The following SORCS2 variants were observed in gnomAD, a reference collection of about 807,000 sequenced individuals.
The protein encoded by SORCS2 is sortilin related VPS10 domain containing receptor 2.
A neutral mutation model predicts 141.6 loss-of-function variants in SORCS2; 100 were observed. The ratio of observed to expected loss-of-function variants is 0.71; its 90% CI spans 0.60 to 0.83. The LOEUF is 0.83. SORCS2 is among the 40% of genes least tolerant of loss of function. The pLI is 0.00. For missense variants in SORCS2, 1,646 were observed against 1,560.2 expected (o/e 1.05, Z -0.93); for synonymous variants, 789 against 676.9 (o/e 1.17, Z -2.57).
At chr4:7,724,124 G>GGTGGTGA (rs1726806175) in intron 19 of SORCS2, among the ~76,000 whole-genome samples, 2 of 139,614 alleles carry the variant, frequency 1.4e-5, no homozygotes, top group South Asian at 2.2e-4. Flanking sequence ...GATGGTGGTG[G>GGTGGTGA]TGGTGGTGGT....
At chr4:7,554,344 G>A (rs1239193444) in intron 3 of SORCS2, among the ~76,000 whole-genome samples, 4 of 152,032 alleles carry the variant, frequency 2.6e-5, no homozygotes, top group African/African-American at 7.2e-5. Context: ...TGAGGAGGAG[G>A]CCACCTAGGA....
chr4:7,640,476 GT>G (rs1720655394), intron 4 of SORCS2, among the ~76,000 whole-genome samples: 1 of 98,602 alleles, frequency 1.0e-5, no homozygotes, highest in East Asian at 1.9e-3. Flanking sequence ...GTGTGTGTGT[GT>G]GAGAGAGAGC....
chr4:7,624,284 A>G (rs1347956394), intron 3 of SORCS2, among the ~76,000 whole-genome samples: 2 of 152,118 alleles, frequency 1.3e-5, no homozygotes, highest in African/African-American at 4.8e-5. Context: ...GGCCTTTCTT[A>G]TTGGAGTCTA....
Position 7,401,326 on chromosome 4 carries a change from GATAA to G in SORCS2, c.548+4975_548+4978del, listed in dbSNP as rs1198296017. ...GGATGGATAGGCAGACAGATGGCTG[GATAA>G]ATAGATGGGTGGATGGACTGATGGA... On this transcript the variant is annotated intron_variant, in intron 2 of 26. Transcript: ENST00000507866. Among the ~76,000 whole-genome samples, 5 of 152,254 alleles carry G rather than the reference GATAA, an allele frequency of 3.3e-5. No homozygotes were observed. The East Asian group carries it at 9.7e-4, about 29-fold the overall frequency.
chr4:7,688,643 C>A (rs1308562011), intron 10 of SORCS2, among the ~76,000 whole-genome samples: 1 of 152,190 alleles, frequency 6.6e-6, no homozygotes, highest in Admixed American at 6.5e-5. Context: ...GGAGTCCAAG[C>A]CCTGCCCTTT....
At chr4:7,441,125 G>A (rs1341898659) in intron 2 of SORCS2, among the ~76,000 whole-genome samples, 3 of 152,186 alleles carry the variant, frequency 2.0e-5, no homozygotes, top group East Asian at 1.9e-4. Flanking sequence ...CGGCAAGGGC[G>A]AAGGCCCCAG....
intron 3 of SORCS2, among the ~76,000 whole-genome samples, chr4:7,635,589 G>A (rs913329047): frequency 3.3e-5 from 5 of 152,122 alleles, no homozygotes; most frequent in Admixed American, 1.3e-4. Flanking sequence ...TACAGTAAGC[G>A]TACTTCCTTG....
chr4:7,358,689 A>T (rs1399539616), intron 1 of SORCS2, among the ~76,000 whole-genome samples: 1 of 152,252 alleles, frequency 6.6e-6, no homozygotes, highest in Non-Finnish European at 1.5e-5. Flanking sequence ...GGGGATCAGC[A>T]TGAAAATAGA....
chr4:7,583,653 T>C (rs956959311), intron 3 of SORCS2, among the ~76,000 whole-genome samples: 10 of 152,216 alleles, frequency 6.6e-5, no homozygotes, highest in Non-Finnish European at 1.2e-4. Context: ...CTCACTTGGC[T>C]CTCATTCTTT....
rs192889316 is a variant in SORCS2, at chr4:7,383,747, C to T, written c.481-12541C>T. Reference sequence around the variant, plus strand: ...AACGACAAAAAACAAAACAAAAAAACCAAAACAGCAGCTTGTAATTTCATT... The same window carrying T: ...AACGACAAAAAACAAAACAAAAAAATCAAAACAGCAGCTTGTAATTTCATT... On this transcript the variant is annotated intron_variant, in intron 1 of 26. Transcript: ENST00000507866. Among the ~76,000 whole-genome samples, 646 of 152,170 alleles carry T rather than the reference C, an allele frequency of 4.2e-3. 3 individuals carry two copies. The highest frequency in any genetic ancestry group is 0.02 in the Middle Eastern group (6 of 294).
chr4:7,712,713 C>T lies in SORCS2; in HGVS notation c.1869-20C>T, dbSNP rs73078585. The stretch of plus-strand genomic sequence containing the variant: ...TAATGAAGGTGGTTTTCTCTCCCTT[C>T]CCTCCTCTTCCCACCCCAGGGTCTT... On this transcript the variant is annotated intron_variant, in intron 14 of 26. Coordinates refer to ENST00000507866, the MANE Select transcript of SORCS2 (RefSeq NM_020777.3). 1.9e-6 allele frequency: 3 copies of T among 1,613,802 alleles called. No homozygotes were observed. In the African/African-American group the frequency reaches 4.0e-5, roughly 21 times the overall value.
intron 2 of SORCS2, among the ~76,000 whole-genome samples, chr4:7,449,892 C>T (rs555176561): frequency 1.6e-4 from 25 of 152,236 alleles, no homozygotes; most frequent in Admixed American, 3.3e-4. Context: ...TTGGGGCTGG[C>T]GGGAGAGGTG....
intron 2 of SORCS2, among the ~76,000 whole-genome samples, chr4:7,464,970 C>T (rs1164663570): frequency 1.3e-5 from 2 of 152,250 alleles, no homozygotes; most frequent in South Asian, 2.1e-4. Flanking sequence ...CCTGAGGCCA[C>T]GTGGTGTCCT....
At chr4:7,578,730 C>T (rs1220166478) in intron 3 of SORCS2, among the ~76,000 whole-genome samples, 1 of 152,208 alleles carries the variant, frequency 6.6e-6, no homozygotes, top group East Asian at 1.9e-4. Context: ...ACGGCTTTGA[C>T]AGGTCACATG....
chr4:7,356,929 C>T (rs1187488811), intron 1 of SORCS2, among the ~76,000 whole-genome samples: 3 of 152,228 alleles, frequency 2.0e-5, no homozygotes, highest in African/African-American at 2.4e-5. Flanking sequence ...TCTGCAGAAA[C>T]AATGTGCTGA....
At chr4:7,283,314 A>G (rs1377223237) in intron 1 of SORCS2, among the ~76,000 whole-genome samples, 1 of 152,230 alleles carries the variant, frequency 6.6e-6, no homozygotes, top group African/African-American at 2.4e-5. Flanking sequence ...GACTTGAGGA[A>G]GAGGAGACGT....
intron 1 of SORCS2, among the ~76,000 whole-genome samples, chr4:7,287,400 C>T (rs1049127287): frequency 2.6e-5 from 4 of 152,216 alleles, no homozygotes; most frequent in African/African-American, 9.6e-5. Context: ...CAGAAAGGTT[C>T]GAGCCAGGAA....
intron 3 of SORCS2, among the ~76,000 whole-genome samples, chr4:7,621,324 C>G (rs754885541): frequency 1.3e-5 from 2 of 151,942 alleles, no homozygotes; most frequent in African/African-American, 2.4e-5. Context: ...GTGTATGTGT[C>G]TATGTGTGAG....
chr4:7,439,170 G>C (rs928190995), intron 2 of SORCS2, among the ~76,000 whole-genome samples: 6 of 149,554 alleles, frequency 4.0e-5, no homozygotes, highest in Non-Finnish European at 8.9e-5. Context: ...AGGAAGGAAG[G>C]AAGGAAGGAG....
Sources: gnomAD v4.1 joint callset for allele counts (sites outside exome capture counted in the v4.1 genomes callset) on GRCh38, gnomAD v4.1.1 for gene constraint, MANE v1.5 for transcripts, NCBI Gene and HGNC (gene_info 2026-07-23, HGNC 2026-07-21) for gene names.